TENM3: variants seen among roughly 807,000 people sequenced by gnomAD.
TENM3 encodes teneurin transmembrane protein 3.
Under a neutral mutation model 255.1 loss-of-function variants are expected in TENM3, and 63 were observed. The observed-to-expected ratio is 0.25, with a 90% confidence interval of 0.20 to 0.30. TENM3 has a LOEUF of 0.30. TENM3 is among the 10% of genes least tolerant of loss of function. The pLI is 1.00. For synonymous variants in TENM3, 1,306 were observed against 1,322.3 expected, an observed-to-expected ratio of 0.99 and a Z score of 0.27; for missense variants, 2,929 against 3,461.1, an observed-to-expected ratio of 0.85 and a Z score of 3.86.
chr4:181,859,332 C>A, the TENM3 span, among the ~76,000 whole-genome samples: 1 of 149,966 alleles, frequency 6.7e-6, no homozygotes, highest in South Asian at 2.1e-4. Context: ...AAGAAGTGTC[C>A]TTTCTTTATA....
At chr4:181,838,138 CAAAAA>C in the TENM3 span, among the ~76,000 whole-genome samples, 3 of 143,092 alleles carry the variant, frequency 2.1e-5, no homozygotes, top group African/African-American at 7.9e-5. Context: ...GACTCCATCT[CAAAAA>C]AAAAAAAAGA....
At chr4:182,442,283 A>G (rs1036683398) in intron 3 of TENM3, among the ~76,000 whole-genome samples, 3 of 152,268 alleles carry the variant, frequency 2.0e-5, no homozygotes. Flanking sequence ...TTATTTGTCA[A>G]TAAAGATATG....
In TENM3 at chr4:182,399,264, A is replaced by G. The variant is rs569691180; in HGVS notation, c.511+52335A>G. 8.5e-5 allele frequency among the ~76,000 whole-genome samples: 13 copies of G among 152,294 alleles called. No individual in the cohort carries two copies. The East Asian group carries it at 2.3e-3, about 27-fold the overall frequency. Reference sequence around the variant, plus strand: ...TTTTGGTATAGGAATGAGTGCAGACACTGTTTTAGAATACTTAAGTGGTAC... The same window carrying G: ...TTTTGGTATAGGAATGAGTGCAGACGCTGTTTTAGAATACTTAAGTGGTAC... On this transcript the variant is annotated intron_variant, in intron 3 of 27. Transcript: ENST00000511685.
intron 4 of TENM3, among the ~76,000 whole-genome samples, chr4:182,609,524 A>G (rs971501088): frequency 6.6e-6 from 1 of 152,200 alleles, no homozygotes; most frequent in Non-Finnish European, 1.5e-5. Flanking sequence ...AATCAATTCT[A>G]TTTGATAACC....
the TENM3 span, among the ~76,000 whole-genome samples, chr4:181,849,591 C>T: frequency 6.6e-6 from 1 of 152,050 alleles, no homozygotes; most frequent in South Asian, 2.1e-4. Flanking sequence ...TTTAAAAATT[C>T]AAAAATGTTT....
At chr4:182,673,806 A>G (rs1755425277) in intron 7 of TENM3, among the ~76,000 whole-genome samples, 1 of 152,190 alleles carries the variant, frequency 6.6e-6, no homozygotes, top group Non-Finnish European at 1.5e-5. Context: ...ACACAAGACA[A>G]TTCACATATC....
At chr4:182,166,849 T>G (rs1751755499) in intron 1 of TENM3, among the ~76,000 whole-genome samples, 1 of 151,386 alleles carries the variant, frequency 6.6e-6, no homozygotes, top group South Asian at 2.1e-4. Context: ...TCTTGTGAAA[T>G]TATTTGTTAT....
chr4:182,132,262 G>A, the TENM3 span, among the ~76,000 whole-genome samples: 4 of 151,976 alleles, frequency 2.6e-5, no homozygotes, highest in Non-Finnish European at 4.4e-5. Flanking sequence ...GGTGGATCAC[G>A]AGGTCAGGAG....
At chr4:182,543,690 T>C (rs1342079584) in intron 3 of TENM3, among the ~76,000 whole-genome samples, 1 of 152,164 alleles carries the variant, frequency 6.6e-6, no homozygotes, top group Admixed American at 6.5e-5. Flanking sequence ...TGTGTGTATA[T>C]ATGTAAGTTG....
chr4:182,764,796 CG>C (rs1251069550), intron 22 of TENM3, among the ~76,000 whole-genome samples: 1 of 152,110 alleles, frequency 6.6e-6, no homozygotes, highest in Non-Finnish European at 1.5e-5. Context: ...ATCTTCCCTC[CG>C]GGGTAGGCGG....
rs373607956 is a variant in TENM3 at position 182,618,052 on chromosome 4, GT to G, written c.750-10594del. Among the ~76,000 whole-genome samples, 14 of 152,242 alleles carry G rather than the reference GT, an allele frequency of 9.2e-5. No individual in the cohort carries two copies. The South Asian group carries it at 2.7e-3, about 29-fold the overall frequency. On this transcript the variant is annotated intron_variant, in intron 4 of 27. Transcript: ENST00000511685. ...GCTTTGTTTGTTAATCTCTAAAAAT[GT>G]TTTTAACACTATATAAAACATTGAA...
chr4:182,637,299 T>TTGTTGTTCCCACATCATCTTAGAA (rs1751926091), intron 5 of TENM3, among the ~76,000 whole-genome samples: 1 of 152,206 alleles, frequency 6.6e-6, no homozygotes, highest in Non-Finnish European at 1.5e-5. Context: ...TGTATAGAGT[T>TTGTTGTTCCCACATCATCTTAGAA]TGTTGTTCCC....
intron 25 of TENM3, among the ~76,000 whole-genome samples, chr4:182,791,161 C>T (rs1175249556): frequency 2.0e-5 from 3 of 152,190 alleles, no homozygotes; most frequent in Non-Finnish European, 2.9e-5. Flanking sequence ...ACAATGCAAA[C>T]TATTAGGAAC....
intron 1 of TENM3, among the ~76,000 whole-genome samples, chr4:182,298,353 A>G (rs1407442189): frequency 6.6e-6 from 1 of 152,190 alleles, no homozygotes; most frequent in Non-Finnish European, 1.5e-5. Context: ...AGGGCCTGTG[A>G]TGCCATGGCA....
chr4:181,788,490 G>A, the TENM3 span, among the ~76,000 whole-genome samples: 226 of 152,222 alleles, frequency 1.5e-3, 2 homozygotes, highest in Non-Finnish European at 6.3e-4. Flanking sequence ...AAATTTGCCC[G>A]AGGAAACACA....
At chr4:182,623,428 T>C (rs1417666949) in intron 4 of TENM3, among the ~76,000 whole-genome samples, 2 of 152,046 alleles carry the variant, frequency 1.3e-5, no homozygotes, top group African/African-American at 4.8e-5. Flanking sequence ...CCAGCCTCCC[T>C]AGCAGCTGGG....
chr4:182,309,283 C>T (rs1276375146), intron 1 of TENM3, among the ~76,000 whole-genome samples: 2 of 152,118 alleles, frequency 1.3e-5, no homozygotes, highest in South Asian at 2.1e-4. Context: ...AGGAAGGTGC[C>T]GTGTGGCTGG....
the TENM3 span, among the ~76,000 whole-genome samples, chr4:182,058,289 T>C: frequency 2.0e-5 from 3 of 151,806 alleles, no homozygotes; most frequent in Admixed American, 1.3e-4. Flanking sequence ...ATTAATTGCA[T>C]AGGAGAATCA....
At chr4:182,269,696 A>G (rs1361130544) in intron 1 of TENM3, among the ~76,000 whole-genome samples, 1 of 152,118 alleles carries the variant, frequency 6.6e-6, no homozygotes, top group Non-Finnish European at 1.5e-5. Flanking sequence ...CCTCTTTCTA[A>G]GGAAAAGCAC....
Sources: allele counts gnomAD v4.1 joint callset (sites outside exome capture counted in the v4.1 genomes callset), GRCh38; gene constraint gnomAD v4.1.1; transcripts MANE v1.5; gene names NCBI Gene and HGNC (gene_info 2026-07-23, HGNC 2026-07-21).